Variants in THSD4 observed in about 807,000 individuals in gnomAD.
The protein encoded by THSD4 is thrombospondin type-1 domain-containing protein 4.
A neutral mutation model predicts 119.0 loss-of-function variants in THSD4; 69 were observed. That is an observed-to-expected ratio of 0.58 (90% CI 0.48 to 0.71). THSD4 has a LOEUF of 0.71. Ranked by LOEUF, THSD4 falls within the 30% of genes least tolerant of loss-of-function variation. The pLI is 0.00. For synonymous variants in THSD4, 524 were observed against 540.4 expected (o/e 0.97, Z 0.42); for missense variants, 1,393 against 1,391.1 (o/e 1.00, Z -0.02).
At chr15:71,723,995 G>T (rs1363797941) in intron 8 of THSD4, among the ~76,000 whole-genome samples, 1 of 151,098 alleles carries the variant, frequency 6.6e-6, no homozygotes, top group Non-Finnish European at 1.5e-5. Flanking sequence ...GGAGGAGGTT[G>T]CAGTGAGCAG....
At chr15:71,151,647 A>G (rs1287696927) in intron 2 of THSD4, among the ~76,000 whole-genome samples, 1 of 152,198 alleles carries the variant, frequency 6.6e-6, no homozygotes, top group Non-Finnish European at 1.5e-5. Flanking sequence ...TTAGAGGTCA[A>G]ATTGGATCCA....
In THSD4 at chr15:71,578,911, T is replaced by A. The variant is rs545144549; in HGVS notation, c.1153-81619T>A. Among the ~76,000 whole-genome samples the A allele has an allele frequency of 1.0e-4, 15 of 148,458 alleles. No homozygotes were observed. In the South Asian group the frequency reaches 3.0e-3, roughly 30 times the overall value. ...CAGGCTGGAGTGTAGTGGCACAATCTCGGCTCACTGCAAGCTCTGCCTCCC... is the reference window on the plus strand; with the variant it reads ...CAGGCTGGAGTGTAGTGGCACAATCACGGCTCACTGCAAGCTCTGCCTCCC... On this transcript the variant is annotated intron_variant, in intron 7 of 17. Coordinates refer to ENST00000261862, the MANE Select transcript of THSD4 (RefSeq NM_024817.3).
At chr15:71,530,943 G>T (rs887626496) in intron 7 of THSD4, among the ~76,000 whole-genome samples, 2 of 152,018 alleles carry the variant, frequency 1.3e-5, no homozygotes, top group African/African-American at 4.8e-5. Flanking sequence ...TTAAATGGGG[G>T]GCGGGGGCAT....
chr15:71,248,684 A>G lies in THSD4; in HGVS notation c.912+5588A>G, dbSNP rs144440717. ...GGCTTTTGACAATGGATTTATCCAT[A>G]TGGAGTTGTTTCTGCCCCAGAGTAA... On this transcript the variant is annotated intron_variant, in intron 5 of 17. Transcript: ENST00000261862. Among the ~76,000 whole-genome samples the G allele has an allele frequency of 7.9e-5, 12 of 152,256 alleles. No homozygotes were observed. The East Asian group carries it at 2.3e-3, about 29-fold the overall frequency.
chr15:71,427,432 C>T (rs17794506), intron 7 of THSD4, among the ~76,000 whole-genome samples: 10,662 of 151,442 alleles, frequency 0.07, 530 homozygotes, highest in Admixed American at 0.17. Context: ...TGTTGATGAA[C>T]GCTGTGAAGT....
chr15:71,768,277 C>CG (rs1555451049), intron 16 of THSD4, among the ~76,000 whole-genome samples: 4 of 49,334 alleles, frequency 8.1e-5, no homozygotes, highest in Non-Finnish European at 3.3e-4. Context: ...CAAAAAAAAC[C>CG]AAAAAAAAAC....
chr15:71,776,906 A>G (rs1245025436), intron 17 of THSD4, among the ~76,000 whole-genome samples: 1 of 152,204 alleles, frequency 6.6e-6, no homozygotes, highest in African/African-American at 2.4e-5. Flanking sequence ...ATTCCCTCAC[A>G]TAGAGTTTAA....
At chr15:71,125,154 GA>G (rs2040442932) in intron 1 of THSD4, among the ~76,000 whole-genome samples, 2 of 152,076 alleles carry the variant, frequency 1.3e-5, no homozygotes, top group African/African-American at 4.8e-5. Context: ...GAAAGGAAAA[GA>G]AAAGAGAAAA....
At chr15:71,538,133 ATTTTC>A (rs2048711284) in intron 7 of THSD4, among the ~76,000 whole-genome samples, 2 of 152,214 alleles carry the variant, frequency 1.3e-5, no homozygotes, top group East Asian at 3.9e-4. Context: ...ATATATAAAT[ATTTTC>A]TTTTGTGTTT....
Position 71,408,513 on chromosome 15 carries a change from A to G in THSD4, c.1016-3174A>G, listed in dbSNP as rs144188496. On this transcript the variant is annotated intron_variant, in intron 6 of 17. Transcript: ENST00000261862. The stretch of plus-strand genomic sequence containing the variant: ...CTCCAATAGTGTTGGCATAACAGAC[A>G]TGAGCCACTGTGCCCGGCCCAAATG... 2.3e-3 allele frequency among the ~76,000 whole-genome samples: 352 copies of G among 152,280 alleles called. 3 individuals are homozygous for G. Among genetic ancestry groups the G allele is most frequent in the African/African-American group, 8.0e-3 (331 of 41,580 alleles).
At chr15:71,304,404 A>G (rs1013747054) in intron 6 of THSD4, among the ~76,000 whole-genome samples, 2 of 151,830 alleles carry the variant, frequency 1.3e-5, no homozygotes, top group Non-Finnish European at 2.9e-5. Context: ...TTTAAGAGAG[A>G]CATAATTTAT....
chr15:71,464,643 C>T (rs1360597651), intron 7 of THSD4, among the ~76,000 whole-genome samples: 1 of 152,184 alleles, frequency 6.6e-6, no homozygotes, highest in Non-Finnish European at 1.5e-5. Flanking sequence ...CCCTCAGTAT[C>T]ATCTTTCTCA....
chr15:71,502,847 G>T (rs1436780845), intron 7 of THSD4, among the ~76,000 whole-genome samples: 12 of 152,164 alleles, frequency 7.9e-5, no homozygotes, highest in Admixed American at 7.9e-4. Flanking sequence ...CTGACAAATG[G>T]CCAAAATAAG....
intron 5 of THSD4, among the ~76,000 whole-genome samples, chr15:71,253,552 T>A (rs1401832467): frequency 6.6e-6 from 1 of 151,968 alleles, no homozygotes; most frequent in East Asian, 1.9e-4. Flanking sequence ...AAATCACAGG[T>A]GCATGCCACC....
At chr15:71,245,840 C>T (rs1307854967) in intron 5 of THSD4, among the ~76,000 whole-genome samples, 1 of 152,134 alleles carries the variant, frequency 6.6e-6, no homozygotes, top group Non-Finnish European at 1.5e-5. Context: ...CCCTGAAATC[C>T]AAGTTCCCAG....
intron 5 of THSD4, among the ~76,000 whole-genome samples, chr15:71,249,881 T>C (rs1297064186): frequency 6.6e-6 from 1 of 151,972 alleles, no homozygotes; most frequent in Non-Finnish European, 1.5e-5. Context: ...AGATGAAGAA[T>C]TGACCCCCTT....
chr15:71,523,010 T>G (rs985194424), intron 7 of THSD4, among the ~76,000 whole-genome samples: 3 of 152,310 alleles, frequency 2.0e-5, no homozygotes, highest in Non-Finnish European at 1.5e-5. Flanking sequence ...TCCTGCTTGG[T>G]TATCTGGCAT....
chr15:71,240,069 T>G (rs2044139017), intron 4 of THSD4, among the ~76,000 whole-genome samples: 1 of 152,244 alleles, frequency 6.6e-6, no homozygotes, highest in African/African-American at 2.4e-5. Context: ...GGGTTTTGAA[T>G]GGTTCTCCAA....
rs931687109 is a variant in THSD4, at chr15:71,739,517, T to C, written c.1906+1510T>C. Among the ~76,000 whole-genome samples, 13 of 152,318 alleles carry C rather than the reference T, an allele frequency of 8.5e-5. No individual in the cohort carries two copies. In the South Asian group the frequency reaches 2.1e-3, roughly 24 times the overall value. On this transcript the variant is annotated intron_variant, in intron 11 of 17. Transcript: ENST00000261862. Reference sequence around the variant, plus strand: ...CTCCAAAGTTAAGATACATGTGGAATGTGCTGTCCAGAAACCCTTTATCTG... The same window carrying C: ...CTCCAAAGTTAAGATACATGTGGAACGTGCTGTCCAGAAACCCTTTATCTG...
Sources: gnomAD v4.1 joint callset for allele counts (sites outside exome capture counted in the v4.1 genomes callset) on GRCh38, gnomAD v4.1.1 for gene constraint, MANE v1.5 for transcripts, NCBI Gene and HGNC (gene_info 2026-07-23, HGNC 2026-07-21) for gene names.